The following PRKAG2 variants were observed in gnomAD, a reference collection of about 807,000 sequenced individuals.
PRKAG2 encodes protein kinase AMP-activated non-catalytic subunit gamma 2, also known as 5'-AMP-activated protein kinase subunit gamma-2.
In PRKAG2, 26 loss-of-function variants were observed where a neutral mutation model predicts 69.6. That is an observed-to-expected ratio of 0.37 (90% CI 0.27 to 0.52). The LOEUF (loss-of-function observed/expected upper bound fraction) is 0.52. Among genes scored for constraint, PRKAG2 ranks in the 20% least tolerant of loss-of-function variants. The probability of loss-of-function intolerance (pLI) is 0.90; values close to 1 mark genes in which losing one functional copy is unlikely to be tolerated. For synonymous variants in PRKAG2, 293 were observed against 285.0 expected, an observed-to-expected ratio of 1.03 and a Z score of -0.28; for missense variants, 557 against 740.0, an observed-to-expected ratio of 0.75 and a Z score of 2.87.
At chr7:151,683,293 T>G (rs1447023885) in intron 3 of PRKAG2, among the ~76,000 whole-genome samples, 1 of 152,192 alleles carries the variant, frequency 6.6e-6, no homozygotes, top group Non-Finnish European at 1.5e-5. Flanking sequence ...TGAGCCCTGC[T>G]GGAACGGAAT....
chr7:151,876,034 A>T (rs1238719505), intron 1 of PRKAG2, among the ~76,000 whole-genome samples: 1 of 124,698 alleles, frequency 8.0e-6, no homozygotes, highest in Non-Finnish European at 1.7e-5. Flanking sequence ...AGCTCCCCCC[A>T]ACCCCCGCCC....
chr7:151,678,230 A>G (rs1048478431), intron 3 of PRKAG2, among the ~76,000 whole-genome samples: 1 of 152,134 alleles, frequency 6.6e-6, no homozygotes, highest in Non-Finnish European at 1.5e-5. Context: ...CCAAACATAA[A>G]AGTATGTAAG....
At chr7:151,772,255 A>C (rs140274554) in intron 3 of PRKAG2, among the ~76,000 whole-genome samples, 82 of 152,244 alleles carry the variant, frequency 5.4e-4, no homozygotes, top group Non-Finnish European at 1.1e-3. Context: ...TTATATTCCC[A>C]ACACACATAA....
chr7:151,827,745 T>TAAAAAAAAAAAAA lies in PRKAG2; in HGVS notation c.115-41217_115-41205dup, dbSNP rs55685618. ...AGGAATTTCTTGAGGTGGCCTTAGGTAAAAAAAAAAAAAAAAAAAAAAAAA... is the reference window on the plus strand; with the variant it reads ...AGGAATTTCTTGAGGTGGCCTTAGGTAAAAAAAAAAAAAAAAAAAAAAAAAAAAAAAAAAAAAA... On this transcript the variant is annotated intron_variant, in intron 1 of 15. Coordinates refer to ENST00000287878, the MANE Select transcript of PRKAG2 (RefSeq NM_016203.4). Among the ~76,000 whole-genome samples the TAAAAAAAAAAAAA allele has an allele frequency of 8.6e-4, 45 of 52,252 alleles. 4 individuals carry two copies. The highest frequency in any genetic ancestry group is 1.1e-3 in the South Asian group (1 of 894). 34.3% of individuals were successfully genotyped at this position (52,252 alleles called of 152,430 possible). A position where few individuals can be genotyped will look rare whatever the true frequency, so the allele number is the denominator to read the frequency against.
chr7:151,841,525 TGGTAGGGATGGTAGTGATAGTA>T lies in PRKAG2; in HGVS notation c.114+34960_114+34981del, dbSNP rs375063313. 2.0e-3 allele frequency among the ~76,000 whole-genome samples: 270 copies of T among 136,848 alleles called. 3 individuals carry two copies. The highest frequency in any genetic ancestry group is 7.0e-3 in the African/African-American group (248 of 35,548). 89.8% of individuals were successfully genotyped at this position (136,848 alleles called of 152,430 possible). A position where few individuals can be genotyped will look rare whatever the true frequency, so the allele number is the denominator to read the frequency against. On this transcript the variant is annotated intron_variant, in intron 1 of 15. Coordinates refer to ENST00000287878, the MANE Select transcript of PRKAG2 (RefSeq NM_016203.4). Reference sequence around the variant, plus strand: ...GTTGGGATGGTAGTGATGGTAGGGATGGTAGGGATGGTAGTGATAGTAGGTAGGGATGGTAGTGATGGTAGGT... The same window carrying T: ...GTTGGGATGGTAGTGATGGTAGGGATGGTAGGGATGGTAGTGATGGTAGGT...
At chr7:151,637,428 T>C (rs1267887230) in intron 4 of PRKAG2, among the ~76,000 whole-genome samples, 1 of 152,194 alleles carries the variant, frequency 6.6e-6, no homozygotes, top group Non-Finnish European at 1.5e-5. Flanking sequence ...AATGGCAGTA[T>C]GTACGTCAGG....
At chr7:151,786,584 G>A (rs538626751) in intron 1 of PRKAG2, 43 bp from the exon 2 acceptor site, 44 of 1,519,572 alleles carry the variant, frequency 2.9e-5, no homozygotes, top group Admixed American at 8.9e-5. Flanking sequence ...AGTGGCCCTC[G>A]GGCCCAGGGG....
chr7:151,743,349 T>C (rs1169486859), intron 3 of PRKAG2, among the ~76,000 whole-genome samples: 1 of 152,146 alleles, frequency 6.6e-6, no homozygotes, highest in African/African-American at 2.4e-5. Context: ...CTCTTAGCAG[T>C]GCCCCGTGCT....
chr7:151,561,708 G>A (rs1409518839), intron 14 of PRKAG2, among the ~76,000 whole-genome samples: 1 of 152,008 alleles, frequency 6.6e-6, no homozygotes, highest in Non-Finnish European at 1.5e-5. Flanking sequence ...CGAGGCGGGC[G>A]GATCACCTGA....
Position 151,632,247 on chromosome 7 carries a change from G to A in PRKAG2, c.685-109C>T. On this transcript the variant is annotated intron_variant, in intron 4 of 15. Transcript: ENST00000287878. The surrounding 1 kb of genome is among the most constrained non-coding windows in gnomAD (Gnocchi z 4.2). ...GGGCCTGGCTCTGCCGCGCCGCCGGGAGGAGGGGCCTGGCAGGGGACGCGG... is the reference window on the plus strand; with the variant it reads ...GGGCCTGGCTCTGCCGCGCCGCCGGAAGGAGGGGCCTGGCAGGGGACGCGG... 9.3e-7 allele frequency: 1 copy of A among 1,072,854 alleles called. No homozygotes were observed. The highest frequency in any genetic ancestry group is 1.1e-6 in the Non-Finnish European group (1 of 886,828). 66.5% of individuals were successfully genotyped at this position (1,072,854 alleles called of 1,614,324 possible).
chr7:151,870,621 T>A (rs1469862400), intron 1 of PRKAG2, among the ~76,000 whole-genome samples: 3 of 152,156 alleles, frequency 2.0e-5, no homozygotes, highest in Admixed American at 2.0e-4. Context: ...CACGGTTCGA[T>A]CCTCCAGCCC....
chr7:151,637,712 T>TTTG (rs897199344), intron 4 of PRKAG2, among the ~76,000 whole-genome samples: 1 of 151,960 alleles, frequency 6.6e-6, no homozygotes, highest in African/African-American at 2.4e-5. Flanking sequence ...ATGAGGTTTT[T>TTTG]TTTTTTTTTT....
At chr7:151,863,442 G>T (rs1311362992) in intron 1 of PRKAG2, among the ~76,000 whole-genome samples, 1 of 152,104 alleles carries the variant, frequency 6.6e-6, no homozygotes, top group Non-Finnish European at 1.5e-5. Flanking sequence ...GCTCCAAGGG[G>T]TCAGCTGAGG....
At chr7:151,639,808 T>C (rs920145013) in intron 4 of PRKAG2, among the ~76,000 whole-genome samples, 15 of 152,206 alleles carry the variant, frequency 9.9e-5, no homozygotes, top group Non-Finnish European at 1.9e-4. Flanking sequence ...AGCTTGGAGA[T>C]GGCCTGTTGT....
At chr7:151,562,500 T>C (rs967561592) in intron 14 of PRKAG2, among the ~76,000 whole-genome samples, 1 of 151,994 alleles carries the variant, frequency 6.6e-6, no homozygotes, top group African/African-American at 2.4e-5. Context: ...CTTGGTCATC[T>C]TTCCCGTGGC....
rs562460294 is a variant in PRKAG2, at chr7:151,672,134, C to T, written c.684+3286G>A. Among the ~76,000 whole-genome samples, 18 of 151,312 alleles carry T rather than the reference C, an allele frequency of 1.2e-4. No homozygotes were observed. In the Middle Eastern group the frequency reaches 0.014, roughly 116 times the overall value. On this transcript the variant is annotated intron_variant, in intron 4 of 15. Coordinates refer to ENST00000287878, the MANE Select transcript of PRKAG2 (RefSeq NM_016203.4). Reference sequence around the variant, plus strand: ...TATTTTTTTTTGAGAAGGAGTCTCGCTCTGTCGCCCAGGCTGGAGTGCAGT... The same window carrying T: ...TATTTTTTTTTGAGAAGGAGTCTCGTTCTGTCGCCCAGGCTGGAGTGCAGT...
At chr7:151,789,627 C>T (rs934381127) in intron 1 of PRKAG2, among the ~76,000 whole-genome samples, 4 of 152,234 alleles carry the variant, frequency 2.6e-5, no homozygotes, top group Non-Finnish European at 4.4e-5. Flanking sequence ...GACTGAGACA[C>T]GCCAGTGAGA....
At chr7:151,710,776 C>T (rs570697298) in intron 3 of PRKAG2, among the ~76,000 whole-genome samples, 1 of 152,360 alleles carries the variant, frequency 6.6e-6, no homozygotes, top group East Asian at 1.9e-4. Flanking sequence ...TCTGCTTGCC[C>T]CTACAAGCAA....
intron 3 of PRKAG2, among the ~76,000 whole-genome samples, chr7:151,681,238 T>G (rs559530313): frequency 2.0e-5 from 3 of 152,252 alleles, no homozygotes; most frequent in Non-Finnish European, 4.4e-5. Flanking sequence ...GACTGTTCAT[T>G]TGGGGGTGGG....
Sources: gnomAD v4.1 joint callset for allele counts (sites outside exome capture counted in the v4.1 genomes callset) on GRCh38, gnomAD v4.1.1 for gene constraint, Gnocchi (gnomAD v3.1) non-coding constraint, MANE v1.5 for transcripts, NCBI Gene and HGNC (gene_info 2026-07-23, HGNC 2026-07-21) for gene names.